The following PNO1 variants were observed in gnomAD, a reference collection of about 807,000 sequenced individuals.
The protein encoded by PNO1 is RNA-binding protein PNO1.
PNO1 carries 16 observed loss-of-function variants against 28.4 expected under a neutral mutation model. That is an observed-to-expected ratio of 0.56 (90% CI 0.38 to 0.85). The LOEUF (loss-of-function observed/expected upper bound fraction) is 0.85, where lower values mean the gene tolerates loss of function less well. PNO1 is among the 40% of genes least tolerant of loss of function. The pLI is 0.00. For synonymous variants in PNO1, 115 were observed against 110.8 expected, an observed-to-expected ratio of 1.04 and a Z score of -0.24; for missense variants, 304 against 312.2, an observed-to-expected ratio of 0.97 and a Z score of 0.20.
At chr2:68,173,477 A>C in intron 6 of PNO1, 60 bp downstream of exon 6, 1 of 1,025,630 alleles carries the variant, frequency 9.8e-7, no homozygotes, top group South Asian at 1.3e-5. Flanking sequence ...TAATTGAGGA[A>C]GTCAAAACCA....
chr2:68,169,682 T>G (rs905377966), intron 5 of PNO1, among the ~76,000 whole-genome samples: 1 of 152,060 alleles, frequency 6.6e-6, no homozygotes, highest in Non-Finnish European at 1.5e-5. Flanking sequence ...AATTTTAACT[T>G]TTTATAATAG....
In PNO1 at chr2:68,158,490, G is replaced by C; in HGVS notation, c.318G>C (p.Gln106His). ...FTPIVEHLGLQIRFNLKSRNV... is the reference protein window; with the variant it reads ...FTPIVEHLGLHIRFNLKSRNV... ...CTATTGTGGAACATTTGGGACTTCA[G>C]ATACGCTTTAACTTGAAATCAAGGA... Residue 106 changes from glutamine (Q) to histidine (H), a missense_variant, in exon 2 of 7, where the codon CAG becomes CAC. Gln to His is a conservative substitution (Grantham distance 24). Coordinates refer to ENST00000263657, the MANE Select transcript of PNO1 (RefSeq NM_020143.4). The C allele has an allele frequency of 1.2e-6, 2 of 1,613,672 alleles. No individual in the cohort carries two copies. Among genetic ancestry groups the C allele is most frequent in the Non-Finnish European group, 1.7e-6 (2 of 1,179,758 alleles).
intron 5 of PNO1, among the ~76,000 whole-genome samples, chr2:68,165,295 C>T (rs1447613993): frequency 1.4e-5 from 2 of 143,692 alleles, no homozygotes; most frequent in South Asian, 2.2e-4. Flanking sequence ...ACCCGGGAGG[C>T]GGAGCTTGCA....
intron 4 of PNO1, 49 bp from the exon 5 acceptor site, chr2:68,162,497 T>A: frequency 7.9e-7 from 1 of 1,266,628 alleles, no homozygotes; most frequent in Non-Finnish European, 1.2e-6. Context: ...GTGGAATGGG[T>A]GGTACACTAG....
chr2:68,170,352 A>T (rs1353941664), intron 5 of PNO1, among the ~76,000 whole-genome samples: 1 of 152,152 alleles, frequency 6.6e-6, no homozygotes, highest in African/African-American at 2.4e-5. Flanking sequence ...TTCTTTGTGC[A>T]GCAAAACTAC....
chr2:68,172,836 A>G (rs1674165701), intron 5 of PNO1, among the ~76,000 whole-genome samples: 1 of 152,244 alleles, frequency 6.6e-6, no homozygotes, highest in South Asian at 2.1e-4. Flanking sequence ...GGGAGCCATC[A>G]TTAACCAAGA....
intron 5 of PNO1, 194 bp from the exon 6 acceptor site, chr2:68,173,153 C>A: frequency 6.2e-6 from 2 of 321,182 alleles, no homozygotes; most frequent in East Asian, 6.0e-5. Flanking sequence ...ATGTTGCACT[C>A]TACAGGCACG....
intron 1 of PNO1, 45 bp downstream of exon 1, chr2:68,158,186 C>T: frequency 1.3e-6 from 2 of 1,523,962 alleles, no homozygotes; most frequent in South Asian, 1.3e-5. Context: ...AAGGGCCAGA[C>T]GCGGATCAAG....
Position 68,174,794 on chromosome 2 carries a change from C to A in PNO1, c.751C>A (p.Arg251=), listed in dbSNP as rs1279710684. Residue 251 remains arginine (R), a synonymous_variant, in exon 7 of 7, where the codon CGA becomes AGA. Transcript: ENST00000263657. ...IRAVASRSAD[R]F Reference sequence around the variant, plus strand: ...AGCTGTGGCTAGCAGATCAGCAGATCGATTCTGATTTCAAGTCAGAGACTT... The same window carrying A: ...AGCTGTGGCTAGCAGATCAGCAGATAGATTCTGATTTCAAGTCAGAGACTT... 6.2e-7 allele frequency: 1 copy of A among 1,601,410 alleles called. No homozygotes were observed. Among genetic ancestry groups the A allele is most frequent in the Non-Finnish European group, 8.6e-7 (1 of 1,169,214 alleles).
intron 2 of PNO1, chr2:68,161,325 G>C (rs1471622694): frequency 2.7e-5 from 13 of 476,294 alleles, no homozygotes; most frequent in Non-Finnish European, 5.2e-5. Context: ...TGAGAGAGAA[G>C]AGAAGAGGAC....
intron 2 of PNO1, among the ~76,000 whole-genome samples, chr2:68,158,952 A>G (rs1359246763): frequency 1.3e-5 from 2 of 152,234 alleles, no homozygotes; most frequent in African/African-American, 4.8e-5. Flanking sequence ...CGAATATTAT[A>G]GAGTGTACTT....
At position 68,174,817 on chromosome 2, in the gene PNO1, CTT is replaced by C. The variant is rs761940865; in HGVS notation, c.*19_*20del. The C allele has an allele frequency of 3.2e-6, 5 of 1,542,236 alleles. No individual in the cohort carries two copies. Among genetic ancestry groups the C allele is most frequent in the African/African-American group, 1.4e-5 (1 of 73,560 alleles). On this transcript the variant is annotated 3_prime_UTR_variant, in exon 7 of 7. Coordinates refer to ENST00000263657, the MANE Select transcript of PNO1 (RefSeq NM_020143.4). ...ATCGATTCTGATTTCAAGTCAGAGA[CTT>C]TTTATCTTGCCTTTGGACTCTGGTG...
In PNO1 at chr2:68,157,906, C is replaced by G. The variant is rs1365432759; in HGVS notation, c.-29C>G. ...GCGTGGTGCAGCTGCGCACGTGTTT[C>G]AGCCGGCAGCGCTTTAAGATTTCCG... On this transcript the variant is annotated 5_prime_UTR_variant, in exon 1 of 7. Coordinates refer to ENST00000263657, the MANE Select transcript of PNO1 (RefSeq NM_020143.4). 3 of 1,602,140 alleles carry G rather than the reference C, an allele frequency of 1.9e-6. No individual in the cohort carries two copies. Among genetic ancestry groups the G allele is most frequent in the Non-Finnish European group, 2.6e-6 (3 of 1,170,110 alleles).
intron 5 of PNO1, among the ~76,000 whole-genome samples, chr2:68,166,812 T>A (rs1572940166): frequency 6.6e-6 from 1 of 152,202 alleles, no homozygotes; most frequent in Non-Finnish European, 1.5e-5. Flanking sequence ...TACATCATCT[T>A]CCTCATCACC....
rs1474970328 is a variant in PNO1, at chr2:68,174,955, A to G, written c.*153A>G. On this transcript the variant is annotated 3_prime_UTR_variant, in exon 7 of 7. Transcript: ENST00000263657. ...CCAGAAGCATAAACAGAAAAGAAAG[A>G]TTTAAGAGGATTCACACTCAACAGG... 5 of 528,570 alleles carry G rather than the reference A, an allele frequency of 9.5e-6. No homozygotes were observed. The highest frequency in any genetic ancestry group is 1.7e-5 in the Non-Finnish European group (5 of 293,810). 32.7% of individuals were successfully genotyped at this position (528,570 alleles called of 1,614,324 possible).
Position 68,173,374 on chromosome 2 carries a change from A to C in PNO1, c.648A>C (p.Gln216His). The C allele has an allele frequency of 1.2e-6, 2 of 1,608,200 alleles. No individual in the cohort carries two copies. Among genetic ancestry groups the C allele is most frequent in the Non-Finnish European group, 1.7e-6 (2 of 1,174,862 alleles). ...DVKVHILGSF[Q>H]NIKMARTAIC... ...AAGTTCACATCCTTGGCTCCTTCCA[A>C]AATATCAAGATGGCAAGAACTGCCA... is the stretch of plus-strand genomic sequence containing the variant. The change falls in exon 6 of 7, where the codon CAA becomes CAC. Residue 216 changes from glutamine to histidine, a missense_variant. Physicochemically the swap from Gln to His is conservative, Grantham distance 24. Coordinates refer to ENST00000263657, the MANE Select transcript of PNO1 (RefSeq NM_020143.4).
At chr2:68,170,747 C>CAAAA (rs767088135) in intron 5 of PNO1, among the ~76,000 whole-genome samples, 43 of 60,830 alleles carry the variant, frequency 7.1e-4, no homozygotes, top group East Asian at 2.6e-3. Flanking sequence ...GACTCCGTCT[C>CAAAA]AAAAAAAAAA....
intron 3 of PNO1, 50 bp from the exon 4 acceptor site, chr2:68,162,215 T>C: frequency 7.4e-7 from 1 of 1,342,624 alleles, no homozygotes; most frequent in South Asian, 1.2e-5. Context: ...TTACTCTTTT[T>C]CAGGTGTGCA....
At position 68,175,025 on chromosome 2, in the gene PNO1, A is replaced by G; in HGVS notation, c.*223A>G. On this transcript the variant is annotated 3_prime_UTR_variant, in exon 7 of 7. Coordinates refer to ENST00000263657, the MANE Select transcript of PNO1 (RefSeq NM_020143.4). ...TCAAAAATTGATTGTTATACTTAAC[A>G]CATTAGGTATAATTTATCATTTATC... The G allele has an allele frequency of 2.3e-6, 1 of 432,048 alleles. No homozygotes were observed. Among genetic ancestry groups the G allele is most frequent in the Non-Finnish European group, 4.2e-6 (1 of 240,888 alleles). The allele number at this position is 432,048 out of a possible 1,614,324, so 26.8% of individuals were successfully genotyped here.
Sources: allele counts gnomAD v4.1 joint callset (sites outside exome capture counted in the v4.1 genomes callset), GRCh38; gene constraint gnomAD v4.1.1; transcripts MANE v1.5; gene names NCBI Gene and HGNC (gene_info 2026-07-23, HGNC 2026-07-21).